Variants in OSBP2 observed in about 807,000 individuals in gnomAD.
OSBP2 encodes the protein oxysterol binding protein 2, also known as oxysterol-binding protein 2.
OSBP2 carries 66 observed loss-of-function variants against 96.0 expected under a neutral mutation model. That is an observed-to-expected ratio of 0.69 (90% CI 0.56 to 0.84). OSBP2 has a LOEUF of 0.84. OSBP2 is among the 40% of genes least tolerant of loss of function. The pLI, the probability that OSBP2 is intolerant of heterozygous loss-of-function variation, is 0.00. For synonymous variants in OSBP2, 525 were observed against 520.9 expected (o/e 1.01, Z -0.11); for missense variants, 1,038 against 1,222.7 (o/e 0.85, Z 2.25).
At chr22:30,701,923 T>G (rs1389359051) in intron 1 of OSBP2, among the ~76,000 whole-genome samples, 2 of 152,166 alleles carry the variant, frequency 1.3e-5, no homozygotes, top group African/African-American at 4.8e-5. Flanking sequence ...AGCACAGAGT[T>G]GTTGCAAAGA....
chr22:30,818,561 G>A (rs1189410056), intron 2 of OSBP2, among the ~76,000 whole-genome samples: 3 of 152,144 alleles, frequency 2.0e-5, no homozygotes, highest in Non-Finnish European at 2.9e-5. Flanking sequence ...TTCTGGGGCC[G>A]CCGTGAGTGC....
intron 2 of OSBP2, among the ~76,000 whole-genome samples, chr22:30,844,958 A>G (rs1409891835): frequency 6.6e-6 from 1 of 152,326 alleles, no homozygotes; most frequent in African/African-American, 2.4e-5. Flanking sequence ...GTGTCTCAGG[A>G]AAGGGAGGCT....
At chr22:30,888,117 G>A (rs2039857210) in intron 4 of OSBP2, 106 bp from the exon 5 acceptor site, 1 of 750,494 alleles carries the variant, frequency 1.3e-6, no homozygotes, top group South Asian at 1.6e-5. Flanking sequence ...AAGCAGGAGG[G>A]GAGTGAGGCC....
intron 12 of OSBP2, among the ~76,000 whole-genome samples, chr22:30,900,878 G>T (rs918363735): frequency 6.6e-6 from 1 of 152,094 alleles, no homozygotes; most frequent in African/African-American, 2.4e-5. Flanking sequence ...TCATATATTT[G>T]ACCATATTAA....
At chr22:30,900,155 G>T (rs545743586) in intron 12 of OSBP2, among the ~76,000 whole-genome samples, 1 of 152,052 alleles carries the variant, frequency 6.6e-6, no homozygotes, top group South Asian at 2.1e-4. Context: ...TTTGGAGGCT[G>T]AGGCAGGAGA....
At chr22:30,810,684 C>T (rs924571613) in intron 2 of OSBP2, among the ~76,000 whole-genome samples, 3 of 152,130 alleles carry the variant, frequency 2.0e-5, no homozygotes, top group African/African-American at 7.2e-5. Context: ...TTGCAGGGCC[C>T]GTCACCATGG....
intron 2 of OSBP2, among the ~76,000 whole-genome samples, chr22:30,779,961 C>G (rs1319409324): frequency 2.0e-5 from 3 of 152,186 alleles, no homozygotes. Context: ...CTGTCTGTTG[C>G]CCCTTGGTGT....
intron 2 of OSBP2, among the ~76,000 whole-genome samples, chr22:30,787,441 G>A (rs2090608154): frequency 1.3e-5 from 2 of 152,096 alleles, no homozygotes; most frequent in Non-Finnish European, 2.9e-5. Flanking sequence ...GGGAGGCCGA[G>A]GCAGGTGGAT....
At chr22:30,703,472 C>G (rs539056769) in intron 1 of OSBP2, among the ~76,000 whole-genome samples, 1 of 148,494 alleles carries the variant, frequency 6.7e-6, no homozygotes, top group African/African-American at 2.5e-5. Context: ...CCATGCCCGG[C>G]CTTATAGCTT....
At chr22:30,828,387 C>T (rs1358511201) in intron 2 of OSBP2, among the ~76,000 whole-genome samples, 1 of 152,222 alleles carries the variant, frequency 6.6e-6, no homozygotes, top group Non-Finnish European at 1.5e-5. Context: ...GAGCCCAGCT[C>T]ACCTCATCCC....
chr22:30,727,162 T>C (rs192295208), intron 1 of OSBP2, among the ~76,000 whole-genome samples: 12 of 152,300 alleles, frequency 7.9e-5, no homozygotes, highest in Admixed American at 7.8e-4. Context: ...ATGTGAGACA[T>C]TGCTAAGGTA....
At chr22:30,694,065 A>ACAGACAGGT (rs532801857), upstream of OSBP2, 4,404 of 1,423,250 alleles carry the variant, frequency 3.1e-3, 99 homozygotes, top group African/African-American at 0.064. Context: ...GGAAAAATGC[A>ACAGACAGGT]CAGACAGGTA....
chr22:30,696,939 A>C (rs1490457438), intron 1 of OSBP2, among the ~76,000 whole-genome samples: 2 of 152,120 alleles, frequency 1.3e-5, no homozygotes, highest in Non-Finnish European at 2.9e-5. Context: ...GATTACAGGC[A>C]TGAGCCACCA....
At chr22:30,839,756 G>A (rs1171246870) in intron 2 of OSBP2, among the ~76,000 whole-genome samples, 3 of 151,786 alleles carry the variant, frequency 2.0e-5, no homozygotes, top group Non-Finnish European at 4.4e-5. Context: ...TTTGTCAGAT[G>A]AGTAGGTTGC....
At chr22:30,873,201 G>A (rs1215642379) in intron 3 of OSBP2, among the ~76,000 whole-genome samples, 2 of 152,160 alleles carry the variant, frequency 1.3e-5, no homozygotes, top group Non-Finnish European at 2.9e-5. Flanking sequence ...GCAAACCCAG[G>A]TCTGTGTGGC....
chr22:30,799,170 T>C (rs2090815650), intron 2 of OSBP2, among the ~76,000 whole-genome samples: 1 of 150,752 alleles, frequency 6.6e-6, no homozygotes, highest in Non-Finnish European at 1.5e-5. Flanking sequence ...AGTGCAGCGG[T>C]GCAATCTCAG....
chr22:30,801,973 T>C (rs136265), intron 2 of OSBP2, among the ~76,000 whole-genome samples: 31,501 of 152,052 alleles, frequency 0.21, 4,141 homozygotes, highest in African/African-American at 0.38. Flanking sequence ...CAAGACCCTG[T>C]CTGTACATAA....
intron 2 of OSBP2, among the ~76,000 whole-genome samples, chr22:30,768,041 A>G (rs2090298397): frequency 6.6e-6 from 1 of 152,214 alleles, no homozygotes; most frequent in African/African-American, 2.4e-5. Context: ...TGACCCATAC[A>G]GATGGCTGCG....
At chr22:30,811,589 C>T (rs1308002795) in intron 2 of OSBP2, among the ~76,000 whole-genome samples, 1 of 152,000 alleles carries the variant, frequency 6.6e-6, no homozygotes, top group African/African-American at 2.4e-5. Context: ...GAGTCTTGCT[C>T]TGTTGCCCAG....
Sources: gnomAD v4.1 joint callset for allele counts (sites outside exome capture counted in the v4.1 genomes callset) on GRCh38, gnomAD v4.1.1 for gene constraint, MANE v1.5 for transcripts, NCBI Gene and HGNC (gene_info 2026-07-23, HGNC 2026-07-21) for gene names.